Variants in USP11 observed in about 807,000 individuals in gnomAD.
USP11 encodes the protein ubiquitin specific peptidase 11.
In USP11, 5 loss-of-function variants were observed where a neutral mutation model predicts 72.8. The observed-to-expected ratio is 0.07, with a 90% CI of 0.04 to 0.14. The LOEUF is 0.14. USP11 is among the 10% of genes least tolerant of loss of function. USP11 has a pLI of 1.00. For synonymous variants in USP11, 368 were observed against 326.5 expected (o/e 1.13, Z -1.37); for missense variants, 480 against 794.7 (o/e 0.60, Z 4.76).
chrX:47,244,097 C>CTTTT (rs200759841), intron 13 of USP11, among the ~76,000 whole-genome samples: 1 of 92,270 alleles, frequency 1.1e-5, no homozygotes, highest in Non-Finnish European at 2.1e-5. Context: ...CGCTCCATAC[C>CTTTT]TTTTTTTTTT....
chrX:47,240,225 G>T, intron 4 of USP11, 80 bp from the exon 5 acceptor site: 1 of 1,149,616 alleles, frequency 8.7e-7, no homozygotes, highest in Non-Finnish European at 1.2e-6. Context: ...AGGTCCGTAG[G>T]GATGAGTCAG....
Position 47,239,883 on chromosome X carries a change from C to G in USP11, c.511C>G (p.Gln171Glu), listed in dbSNP as rs376804631. ...TGATTTGGGCAAATCTCACACTGTT[C>G]AGTTCAGCCATACCGATTCTATTGG... ...HNDLGKSHTV[Q>E]FSHTDSIGLV... Residue 171 changes from glutamine to glutamate, a missense_variant, in exon 4 of 21, where the codon CAG becomes GAG. Gln to Glu is a conservative substitution (Grantham distance 29, BLOSUM62 2). Around this residue, in one of 5 missense-constraint regions of USP11, gnomAD observed 80 missense variants for 100.9 expected, o/e 0.79. Transcript: ENST00000377107. The G allele has an allele frequency of 1.7e-6, 2 of 1,209,771 alleles. No homozygotes were observed. Among genetic ancestry groups the G allele is most frequent in the African/African-American group, 1.8e-5 (1 of 57,098 alleles).
Position 47,245,005 on chromosome X carries a change from C to T in USP11, c.2087-11C>T. 8.3e-7 allele frequency: 1 copy of T among 1,211,713 alleles called. No individual in the cohort carries two copies. The highest frequency in any genetic ancestry group is 1.1e-6 in the Non-Finnish European group (1 of 895,372). ...CAGCAGGATCCATGACCACCTCTCC[C>T]TCACCCCCAGCCCAGCCGTACATTG... On this transcript the variant is annotated splice_polypyrimidine_tract_variant and intron_variant, in intron 15 of 20. Transcript: ENST00000377107.
At position 47,245,106 on chromosome X, in the gene USP11, T is replaced by TG. The variant is rs1474568209; in HGVS notation, c.2157+26dup. The TG allele has an allele frequency of 2.5e-6, 3 of 1,203,192 alleles. No individual in the cohort carries two copies. In the African/African-American group the frequency reaches 5.3e-5, roughly 21 times the overall value. ...GCTGAGGTAAATGAGATCCCAGGGA[T>TG]GGGGGGTACTTCCAGCTCTTGCCCC... On this transcript the variant is annotated intron_variant, in intron 16 of 20. Coordinates refer to ENST00000377107, the MANE Select transcript of USP11 (RefSeq NM_001371072.1).
At chrX:47,235,297 G>C (rs766657884) in intron 1 of USP11, among the ~76,000 whole-genome samples, 72 of 112,127 alleles carry the variant, frequency 6.4e-4, no homozygotes, top group Non-Finnish European at 1.0e-3. Flanking sequence ...GATGCATACT[G>C]TGAGCCCTTA....
At position 47,248,128 on chromosome X, in the gene USP11, G is replaced by A. The variant is rs2055447012; in HGVS notation, c.*198G>A. The A allele has an allele frequency of 2.2e-5, 12 of 554,897 alleles. No individual in the cohort carries two copies. Among genetic ancestry groups the A allele is most frequent in the Middle Eastern group, 5.7e-4 (1 of 1,759 alleles). The allele number at this position is 554,897 out of a possible 1,213,427, so 45.7% of individuals were successfully genotyped here. ...AGGTCGTGTCTCCTCCTAGCAGTGC[G>A]CGCCCCGCCTGTGTTTGCCCTTCCA... On this transcript the variant is annotated 3_prime_UTR_variant, in exon 21 of 21. Transcript: ENST00000377107.
In USP11 at chrX:47,233,081, C is replaced by T; in HGVS notation, c.38C>T (p.Ala13Val). 2.5e-6 allele frequency: 3 copies of T among 1,202,255 alleles called. No individual in the cohort carries two copies. The highest frequency in any genetic ancestry group is 3.4e-6 in the Non-Finnish European group (3 of 890,353). Residue 13 changes from alanine (A) to valine (V), a missense_variant, in exon 1 of 21, where the codon GCG (alanine) becomes GTG (valine). Ala to Val is a moderately conservative substitution (Grantham distance 64, BLOSUM62 0). Coordinates refer to ENST00000377107, the MANE Select transcript of USP11 (RefSeq NM_001371072.1). ...GCAGCAAATCCAGCTGCTGCTGCGG[C>T]GGCTGTGGCGGCGGCAGCGGCGGTG... is the stretch of plus-strand genomic sequence containing the variant. ...TVAANPAAAA[A>V]AVAAAAAVTE...
chrX:47,247,290 C>T lies in USP11; in HGVS notation c.2421-14C>T. 1 of 1,211,496 alleles carries T rather than the reference C, an allele frequency of 8.3e-7. No homozygotes were observed. Among genetic ancestry groups the T allele is most frequent in the Non-Finnish European group, 1.1e-6 (1 of 895,148 alleles). On this transcript the variant is annotated splice_polypyrimidine_tract_variant and intron_variant, in intron 18 of 20. Transcript: ENST00000377107. ...GAGGGGGTGTACCAGTATTAACCCT[C>T]TCCCCACCCACAGGGACCTGGACTT...
intron 9 of USP11, 53 bp downstream of exon 9, chrX:47,241,752 C>T (rs1403141840): frequency 7.1e-6 from 8 of 1,127,790 alleles, no homozygotes; most frequent in Admixed American, 5.9e-5. Flanking sequence ...GCCTCTGCCT[C>T]GGGGATTTTC....
chrX:47,240,226 G>A (rs2055394947), intron 4 of USP11, 79 bp from the exon 5 acceptor site: 2 of 1,150,611 alleles, frequency 1.7e-6, no homozygotes, highest in Admixed American at 5.1e-5. Flanking sequence ...GGTCCGTAGG[G>A]ATGAGTCAGG....
intron 1 of USP11, chrX:47,233,582 A>G: frequency 1.2e-6 from 1 of 815,243 alleles, no homozygotes; most frequent in Non-Finnish European, 1.5e-6. Flanking sequence ...TGCGTAATGC[A>G]ACTTTTGGGG....
chrX:47,240,469 T>A lies in USP11; in HGVS notation c.681+19T>A, dbSNP rs1306036860. ...TGGGCAGGTAAGGGTGGGGAGGGCT[T>A]TTCTGTTCAGGTGGACTGGCAGATA... On this transcript the variant is annotated intron_variant, in intron 5 of 20. Transcript: ENST00000377107. 1 of 1,209,143 alleles carries A rather than the reference T, an allele frequency of 8.3e-7. No individual in the cohort carries two copies. The highest frequency in any genetic ancestry group is 1.8e-5 in the African/African-American group (1 of 57,024).
Position 47,247,985 on chromosome X carries a change from G to A in USP11, c.*55G>A, listed in dbSNP as rs1205291029. ...AAAAAAAAGCCCTCTCTGCAATCTC[G>A]CTTCTCGTGTCCGCCCCGCTTCTCT... is the stretch of plus-strand genomic sequence containing the variant. On this transcript the variant is annotated 3_prime_UTR_variant, in exon 21 of 21. Coordinates refer to ENST00000377107, the MANE Select transcript of USP11 (RefSeq NM_001371072.1). 4.4e-5 allele frequency: 50 copies of A among 1,127,718 alleles called. 1 individual carries two copies. The highest frequency in any genetic ancestry group is 5.6e-4 in the Middle Eastern group (2 of 3,582). 92.9% of individuals were successfully genotyped at this position (1,127,718 alleles called of 1,213,427 possible).
Position 47,248,018 on chromosome X carries a change from G to C in USP11, c.*88G>C. 1 of 1,096,880 alleles carries C rather than the reference G, an allele frequency of 9.1e-7. No individual in the cohort carries two copies. The highest frequency in any genetic ancestry group is 1.2e-6 in the Non-Finnish European group (1 of 838,277). The allele number at this position is 1,096,880 out of a possible 1,213,427, so 90.4% of individuals were successfully genotyped here. On this transcript the variant is annotated 3_prime_UTR_variant, in exon 21 of 21. Coordinates refer to ENST00000377107, the MANE Select transcript of USP11 (RefSeq NM_001371072.1). ...TGTCCGCCCCGCTTCTCTTATTCGT[G>C]TTAGGTGCCCCCGCCAGGCATTGCA...
At position 47,247,325 on chromosome X, in the gene USP11, T is replaced by C. The variant is rs1314288453; in HGVS notation, c.2442T>C (p.Phe814=). 1.7e-6 allele frequency: 2 copies of C among 1,209,541 alleles called. No individual in the cohort carries two copies. The highest frequency in any genetic ancestry group is 2.2e-6 in the Non-Finnish European group (2 of 895,129). Reference sequence around the variant, plus strand: ...ACAGGGACCTGGACTTCTCTGAGTTTGTCATCCAGCCACAGAATGAGTCGA... The same window carrying C: ...ACAGGGACCTGGACTTCTCTGAGTTCGTCATCCAGCCACAGAATGAGTCGA... ...FPIRDLDFSE[F]VIQPQNESNP... Residue 814 remains phenylalanine, a synonymous_variant, in exon 19 of 21, where the codon TTT becomes TTC. Coordinates refer to ENST00000377107, the MANE Select transcript of USP11 (RefSeq NM_001371072.1).
rs776874391 is a variant in USP11 at position 47,243,724 on chromosome X, A to G, written c.1790+122A>G. ...AAGACAGTCCAAACTTAACATGGCC[A>G]TAGAAGAACTTGTAGGGTTTTTTCT... On this transcript the variant is annotated intron_variant, in intron 13 of 20. Coordinates refer to ENST00000377107, the MANE Select transcript of USP11 (RefSeq NM_001371072.1). The G allele has an allele frequency of 1.7e-3, 1,182 of 700,726 alleles. 7 individuals carry two copies. Among genetic ancestry groups the G allele is most frequent in the South Asian group, 1.3e-3 (46 of 35,802 alleles). 57.7% of individuals were successfully genotyped at this position (700,726 alleles called of 1,213,427 possible).
In USP11 at chrX:47,242,641, G is replaced by A; in HGVS notation, c.1504G>A (p.Val502Ile). The A allele has an allele frequency of 8.3e-7, 1 of 1,211,026 alleles. No homozygotes were observed. Among genetic ancestry groups the A allele is most frequent in the Non-Finnish European group, 1.1e-6 (1 of 894,651 alleles). ...CCATTCCTAGATGATGGTGGCTGAT[G>A]TCTTCAGTCACCGCTTCTATAAGCT... ...ISPERMMVAD[V>I]FSHRFYKLYQ... is the part of the protein sequence containing the mutation. Residue 502 changes from valine to isoleucine, a missense_variant, in exon 12 of 21, where the codon GTC becomes ATC. Transcript: ENST00000377107.
intron 16 of USP11, 89 bp from the exon 17 acceptor site, chrX:47,245,281 G>C: frequency 1.0e-6 from 1 of 953,640 alleles, no homozygotes; most frequent in Non-Finnish European, 1.5e-6. Context: ...GACCCACTCA[G>C]TGTGTGTCTC....
At chrX:47,233,839 G>A in intron 1 of USP11, 1 of 86,686 alleles carries the variant, frequency 1.2e-5, no homozygotes, top group Non-Finnish European at 2.7e-5. Context: ...TGGCGCCTGC[G>A]AATAAGCAAA....
Sources: gnomAD v4.1 joint callset for allele counts (sites outside exome capture counted in the v4.1 genomes callset) on GRCh38, gnomAD v4.1.1 for gene constraint, gnomAD v4.1.1 regional missense constraint, MANE v1.5 for transcripts, NCBI Gene and HGNC (gene_info 2026-07-23, HGNC 2026-07-21) for gene names.